Variants in SEPTIN3 observed in about 807,000 individuals in gnomAD.
SEPTIN3 encodes the protein neuronal-specific septin-3.
A neutral mutation model predicts 45.1 loss-of-function variants in SEPTIN3; 15 were observed. The observed-to-expected ratio is 0.33, with a 90% CI of 0.22 to 0.51. The LOEUF (loss-of-function observed/expected upper bound fraction) is 0.51. SEPTIN3 is among the 20% of genes least tolerant of loss of function. The pLI is 0.97. For missense variants in SEPTIN3, 289 were observed against 457.2 expected, an observed-to-expected ratio of 0.63 and a Z score of 3.35; for synonymous variants, 148 against 164.8, an observed-to-expected ratio of 0.90 and a Z score of 0.78.
At chr22:41,982,232 G>A in intron 3 of SEPTIN3, 1 of 180,802 alleles carries the variant, frequency 5.5e-6, no homozygotes, top group East Asian at 1.5e-4. Flanking sequence ...GAGAAGGCCG[G>A]GTGTGGTGGC....
At chr22:41,990,160 C>A (rs1234280390) in intron 7 of SEPTIN3, among the ~76,000 whole-genome samples, 1 of 151,942 alleles carries the variant, frequency 6.6e-6, no homozygotes, top group Non-Finnish European at 1.5e-5. Flanking sequence ...CCTGCCTCAG[C>A]CTCCTGAGTA....
intron 2 of SEPTIN3, among the ~76,000 whole-genome samples, chr22:41,980,425 C>T (rs1250124019): frequency 1.3e-5 from 2 of 152,096 alleles, no homozygotes; most frequent in African/African-American, 2.4e-5. Context: ...CGTGAGCCAC[C>T]GCGCCCGGCC....
rs891578831 is a variant in SEPTIN3, at chr22:41,993,670, T to C, written c.2360-620T>C. Among the ~76,000 whole-genome samples the C allele has an allele frequency of 4.6e-5, 7 of 152,184 alleles. No homozygotes were observed. In the East Asian group the frequency reaches 1.4e-3, roughly 29 times the overall value. ...CATGCCTGGTGATTTTATTTTTATT[T>C]TTAATAGAGGTGGGGGTCTCACTGT... is the stretch of plus-strand genomic sequence containing the variant. On this transcript the variant is annotated intron_variant, in intron 9 of 11. Coordinates refer to ENST00000644076, the MANE Select transcript of SEPTIN3 (RefSeq NM_001363845.2).
Position 41,989,595 on chromosome 22 carries a change from A to C in SEPTIN3, c.2074A>C (p.Lys692Gln), listed in dbSNP as rs1259720109. The C allele has an allele frequency of 6.2e-7, 1 of 1,613,900 alleles. No individual in the cohort carries two copies. The highest frequency in any genetic ancestry group is 1.1e-5 in the South Asian group (1 of 91,064). ...SLRPLDLEFMKHLSKVVNIIP... is the reference protein window; with the variant it reads ...SLRPLDLEFMQHLSKVVNIIP... ...GCGACCTCTGGATCTTGAGTTCATG[A>C]AACACCTCAGCAAGGTTGTGAACAT... Residue 692 changes from lysine to glutamine, a missense_variant, in exon 7 of 12, where the codon AAA becomes CAA. Around this residue, in one of 3 missense-constraint regions of SEPTIN3, gnomAD observed 200 missense variants for 315.1 expected, o/e 0.63. Coordinates refer to ENST00000644076, the MANE Select transcript of SEPTIN3 (RefSeq NM_001363845.2).
intron 9 of SEPTIN3, among the ~76,000 whole-genome samples, chr22:41,993,345 G>T (rs2078355360): frequency 6.7e-6 from 1 of 149,398 alleles, no homozygotes; most frequent in Non-Finnish European, 1.5e-5. Flanking sequence ...TTTTTTTTGA[G>T]ACGGAGTCTC....
chr22:41,984,792 G>A (rs1441467690), intron 3 of SEPTIN3, among the ~76,000 whole-genome samples: 1 of 150,184 alleles, frequency 6.7e-6, no homozygotes, highest in Non-Finnish European at 1.5e-5. Context: ...GCCTTCCAAA[G>A]TGCTGGGATT....
chr22:41,990,477 G>A (rs984588528), intron 7 of SEPTIN3, among the ~76,000 whole-genome samples: 2 of 151,660 alleles, frequency 1.3e-5, no homozygotes, highest in African/African-American at 2.4e-5. Context: ...TGGGCGTGGT[G>A]GCTCATGCCT....
At chr22:41,982,401 G>A (rs2078136336) in intron 3 of SEPTIN3, among the ~76,000 whole-genome samples, 1 of 152,098 alleles carries the variant, frequency 6.6e-6, no homozygotes, top group Admixed American at 6.6e-5. Context: ...GCAGCTACTC[G>A]GGAGGCTGAA....
At chr22:41,977,358 C>A (rs1014867602) in intron 2 of SEPTIN3, among the ~76,000 whole-genome samples, 2 of 152,126 alleles carry the variant, frequency 1.3e-5, no homozygotes, top group African/African-American at 4.8e-5. Flanking sequence ...CACGCACACA[C>A]ACACACACCA....
chr22:41,990,861 C>T (rs547000414), intron 7 of SEPTIN3, among the ~76,000 whole-genome samples: 5 of 151,480 alleles, frequency 3.3e-5, no homozygotes, highest in African/African-American at 7.3e-5. Context: ...GTCAGGAGTT[C>T]GAGACCAGCC....
chr22:41,994,362 CT>C lies in SEPTIN3; in HGVS notation c.2411+22del, dbSNP rs762882626. On this transcript the variant is annotated intron_variant, in intron 10 of 11. Transcript: ENST00000644076. The surrounding 1 kb of genome is among the most constrained non-coding windows in gnomAD (Gnocchi z 4.2). ...ATCAGGTAAGATGTCTCCCCTCCAGCTGTCCAGACAGCAGGTTGAATTATTT... is the reference window on the plus strand; with the variant it reads ...ATCAGGTAAGATGTCTCCCCTCCAGCGTCCAGACAGCAGGTTGAATTATTT... 56 of 1,612,892 alleles carry C rather than the reference CT, an allele frequency of 3.5e-5. No homozygotes were observed. In the Middle Eastern group the frequency reaches 1.2e-3, roughly 33 times the overall value.
At chr22:41,988,257 G>A (rs1310484613) in intron 6 of SEPTIN3, among the ~76,000 whole-genome samples, 1 of 152,096 alleles carries the variant, frequency 6.6e-6, no homozygotes, top group Admixed American at 6.6e-5. Context: ...AGAGATGAAG[G>A]CCAACCATTG....
intron 2 of SEPTIN3, among the ~76,000 whole-genome samples, chr22:41,973,407 A>G (rs1276990879): frequency 1.3e-5 from 2 of 151,796 alleles, no homozygotes; most frequent in Non-Finnish European, 2.9e-5. Flanking sequence ...CTGTAATCCC[A>G]GCACTTTGGG....
chr22:41,974,392 T>C lies in SEPTIN3; in HGVS notation c.1504+1396T>C, dbSNP rs184246928. Among the ~76,000 whole-genome samples the C allele has an allele frequency of 4.6e-4, 69 of 151,612 alleles. No homozygotes were observed. In the South Asian group the frequency reaches 6.3e-3, roughly 14 times the overall value. On this transcript the variant is annotated intron_variant, in intron 2 of 11. Transcript: ENST00000644076. ...AAGACTAGCCTGGCCAGGCCAGGCG[T>C]GGTGGCTCACACCTATAATCCCAGA...
At chr22:41,993,412 C>T (rs1160251582) in intron 9 of SEPTIN3, among the ~76,000 whole-genome samples, 1 of 152,026 alleles carries the variant, frequency 6.6e-6, no homozygotes, top group Non-Finnish European at 1.5e-5. Flanking sequence ...GCAACCTCTG[C>T]CTCCCAGGTT....
rs1382126439 is a variant in SEPTIN3, at chr22:41,991,616, A to G, written c.2207A>G (p.Gln736Arg). 6.2e-7 allele frequency: 1 copy of G among 1,614,016 alleles called. No homozygotes were observed. The highest frequency in any genetic ancestry group is 1.3e-5 in the African/African-American group (1 of 74,922). Reference sequence around the variant, plus strand: ...GTAAATGGCATTGAATTCTACCCCCAGAAGGAATTTGATGAGGATTTGGAG... The same window carrying G: ...GTAAATGGCATTGAATTCTACCCCCGGAAGGAATTTGATGAGGATTTGGAG... ...LEVNGIEFYPQKEFDEDLEDK... is the reference protein window; with the variant it reads ...LEVNGIEFYPRKEFDEDLEDK... The change falls in exon 8 of 12, where the codon CAG becomes CGG. Residue 736 changes from glutamine to arginine, a missense_variant. By Grantham distance (43) the Gln-to-Arg change is conservative (BLOSUM62 1). Transcript: ENST00000644076.
chr22:41,971,178 C>T (rs1454515473), intron 1 of SEPTIN3, among the ~76,000 whole-genome samples: 1 of 152,140 alleles, frequency 6.6e-6, no homozygotes, highest in Non-Finnish European at 1.5e-5. Context: ...AGACGTAAGC[C>T]CAGCCTGAGA....
intron 2 of SEPTIN3, among the ~76,000 whole-genome samples, chr22:41,981,015 C>T (rs547345159): frequency 6.6e-6 from 1 of 152,172 alleles, no homozygotes; most frequent in Non-Finnish European, 1.5e-5. Flanking sequence ...AAGGGTAGCC[C>T]TGTTTGCTTC....
chr22:41,980,113 A>G (rs1190882343), intron 2 of SEPTIN3, among the ~76,000 whole-genome samples: 1 of 148,490 alleles, frequency 6.7e-6, no homozygotes, highest in Admixed American at 6.7e-5. Context: ...TGGGACTGTA[A>G]GATATTGCTC....
Sources: allele counts gnomAD v4.1 joint callset (sites outside exome capture counted in the v4.1 genomes callset), GRCh38; gene constraint gnomAD v4.1.1; regional missense constraint gnomAD v4.1.1; non-coding constraint Gnocchi (gnomAD v3.1); transcripts MANE v1.5; gene names NCBI Gene and HGNC (gene_info 2026-07-23, HGNC 2026-07-21).